ATF7IP: variants seen among roughly 807,000 people sequenced by gnomAD.
ATF7IP encodes activating transcription factor 7 interacting protein.
Under a neutral mutation model 106.4 loss-of-function variants are expected in ATF7IP, and 23 were observed. The observed-to-expected ratio is 0.22, with a 90% confidence interval of 0.16 to 0.31. ATF7IP has a LOEUF of 0.31. Ranked by LOEUF, ATF7IP falls within the 10% of genes least tolerant of loss-of-function variation. The pLI, the probability that ATF7IP is intolerant of heterozygous loss-of-function variation, is 1.00. For missense variants in ATF7IP, 1,334 were observed against 1,524.3 expected (o/e 0.88, Z 2.08); for synonymous variants, 542 against 539.0 (o/e 1.01, Z -0.08).
intron 1 of ATF7IP, among the ~76,000 whole-genome samples, chr12:14,372,938 G>A (rs910338712): frequency 2.6e-5 from 4 of 152,144 alleles, no homozygotes; most frequent in Non-Finnish European, 4.4e-5. Context: ...AGCTGTAAAA[G>A]GAACTTTCTT....
chr12:14,373,386 C>A (rs71459148), intron 1 of ATF7IP, among the ~76,000 whole-genome samples: 3,009 of 152,232 alleles, frequency 0.02, 32 homozygotes, highest in Middle Eastern at 0.031. Context: ...TGGCTTCCAT[C>A]ACTAGGTGAA....
intron 1 of ATF7IP, among the ~76,000 whole-genome samples, chr12:14,369,610 T>A (rs1565465978): frequency 6.6e-6 from 1 of 152,228 alleles, no homozygotes; most frequent in Non-Finnish European, 1.5e-5. Context: ...GTGCTAGAAT[T>A]ACAGGTGTGA....
chr12:14,494,309 ATATATATATATATATATATATATATG>A (rs1255791521), intron 13 of ATF7IP, among the ~76,000 whole-genome samples: 1,382 of 96,816 alleles, frequency 0.014, 60 homozygotes, highest in Non-Finnish European at 0.02. Flanking sequence ...ATATATATAT[ATATATATATATATATATATATATATG>A]TGTGTGTGTA....
chr12:14,474,508 C>A (rs1270382887), intron 10 of ATF7IP, among the ~76,000 whole-genome samples: 1 of 151,504 alleles, frequency 6.6e-6, no homozygotes, highest in Non-Finnish European at 1.5e-5. Context: ...TCAAGCGATT[C>A]TCCTGCCTCA....
chr12:14,400,805 A>T (rs1025588314), intron 1 of ATF7IP, among the ~76,000 whole-genome samples: 1 of 152,182 alleles, frequency 6.6e-6, no homozygotes, highest in Non-Finnish European at 1.5e-5. Flanking sequence ...TCATTTCTGT[A>T]TATTAATGCT....
chr12:14,457,088 T>C (rs1173108481), intron 7 of ATF7IP, 119 bp from the exon 8 acceptor site: 5 of 797,438 alleles, frequency 6.3e-6, no homozygotes, highest in Admixed American at 2.8e-5. Flanking sequence ...AGTTTAGGAT[T>C]GTGAAACCCA....
In ATF7IP at chr12:14,502,666, C is replaced by G. The variant is rs2136897410; in HGVS notation, c.*4593C>G. ...AAATCCTTTGTAAGAAACTTGCATCCTAATTTTTCTTTATTGCAATTGAAA... is the reference window on the plus strand; with the variant it reads ...AAATCCTTTGTAAGAAACTTGCATCGTAATTTTTCTTTATTGCAATTGAAA... On this transcript the variant is annotated 3_prime_UTR_variant, in exon 15 of 15. Transcript: ENST00000261168. 1 of 152,152 alleles carries G rather than the reference C, an allele frequency of 6.6e-6. No individual in the cohort carries two copies. The highest frequency in any genetic ancestry group is 2.4e-5 in the African/African-American group (1 of 41,532). The allele number at this position is 152,152 out of a possible 1,614,324, so 9.4% of individuals were successfully genotyped here.
chr12:14,496,700 A>G (rs968250446), intron 14 of ATF7IP, among the ~76,000 whole-genome samples: 4 of 152,350 alleles, frequency 2.6e-5, no homozygotes, highest in Middle Eastern at 3.4e-3. Context: ...TGCCACATCT[A>G]ACTGCTACAT....
intron 6 of ATF7IP, among the ~76,000 whole-genome samples, chr12:14,449,174 T>C (rs1201601524): frequency 6.6e-6 from 1 of 152,192 alleles, no homozygotes; most frequent in Non-Finnish European, 1.5e-5. Context: ...ATTTTTGCTT[T>C]TCTTACCTGT....
At chr12:14,492,198 A>G (rs1485599104) in intron 13 of ATF7IP, among the ~76,000 whole-genome samples, 2 of 152,176 alleles carry the variant, frequency 1.3e-5, no homozygotes, top group Non-Finnish European at 2.9e-5. Context: ...TGTAAGTCAG[A>G]CCTGAGACAA....
intron 2 of ATF7IP, among the ~76,000 whole-genome samples, chr12:14,431,173 T>C (rs1377889558): frequency 6.6e-6 from 1 of 152,210 alleles, no homozygotes; most frequent in African/African-American, 2.4e-5. Flanking sequence ...GTATTAAACA[T>C]GTAATTTGTC....
chr12:14,433,122 A>G (rs754636903), intron 2 of ATF7IP, among the ~76,000 whole-genome samples: 2 of 151,978 alleles, frequency 1.3e-5, no homozygotes, highest in Non-Finnish European at 2.9e-5. Flanking sequence ...TAATCCCAGC[A>G]CTTTGGGAAG....
At chr12:14,467,905 G>T (rs913697406) in intron 10 of ATF7IP, among the ~76,000 whole-genome samples, 1 of 152,120 alleles carries the variant, frequency 6.6e-6, no homozygotes, top group Non-Finnish European at 1.5e-5. Context: ...GGACCACACA[G>T]ATACAGACTG....
At chr12:14,429,215 G>A (rs1384058178) in intron 2 of ATF7IP, among the ~76,000 whole-genome samples, 1 of 152,148 alleles carries the variant, frequency 6.6e-6, no homozygotes, top group African/African-American at 2.4e-5. Context: ...TGATGATCAT[G>A]TTATTAAATC....
Position 14,461,150 on chromosome 12 carries a change from G to T in ATF7IP, c.2797+17G>T, listed in dbSNP as rs201166552. On this transcript the variant is annotated intron_variant, in intron 9 of 14. Transcript: ENST00000261168. Reference sequence around the variant, plus strand: ...CAAGAATTGGTAAGTCACCATGTAGGTTTAATACTAGAAATGCAAGCATCT... The same window carrying T: ...CAAGAATTGGTAAGTCACCATGTAGTTTTAATACTAGAAATGCAAGCATCT... The T allele has an allele frequency of 2.2e-4, 348 of 1,593,178 alleles. No individual in the cohort carries two copies. The highest frequency in any genetic ancestry group is 2.9e-4 in the Non-Finnish European group (334 of 1,167,866).
chr12:14,453,616 C>A (rs369927737), intron 6 of ATF7IP, among the ~76,000 whole-genome samples: 8 of 151,810 alleles, frequency 5.3e-5, no homozygotes, highest in African/African-American at 1.5e-4. Flanking sequence ...TTCACTTTCA[C>A]CTAATTGAGT....
intron 1 of ATF7IP, chr12:14,385,209 G>C (rs1414866624): frequency 3.2e-5 from 16 of 500,134 alleles, no homozygotes; most frequent in Non-Finnish European, 4.9e-5. Flanking sequence ...CAAAGTGGGA[G>C]GGGCTTTGTT....
Position 14,452,045 on chromosome 12 carries a change from G to T in ATF7IP, c.1996-4516G>T, listed in dbSNP as rs184241790. 5.7e-4 allele frequency among the ~76,000 whole-genome samples: 86 copies of T among 151,198 alleles called. 1 individual carries two copies. The highest frequency in any genetic ancestry group is 7.4e-4 in the Non-Finnish European group (50 of 67,598). ...CATATATTTGGAGCTCTGATGTAGG[G>T]GTGTGTGTGTGTGTGTTACAGCTGG... is the stretch of plus-strand genomic sequence containing the variant. On this transcript the variant is annotated intron_variant, in intron 6 of 14. Coordinates refer to ENST00000261168, the MANE Select transcript of ATF7IP (RefSeq NM_018179.5).
intron 1 of ATF7IP, among the ~76,000 whole-genome samples, chr12:14,411,443 G>T (rs1391958426): frequency 6.6e-6 from 1 of 151,918 alleles, no homozygotes. Context: ...TGTAGGTGAC[G>T]GGTTGACGGG....
Sources: gnomAD v4.1 joint callset for allele counts (sites outside exome capture counted in the v4.1 genomes callset) on GRCh38, gnomAD v4.1.1 for gene constraint, MANE v1.5 for transcripts, NCBI Gene and HGNC (gene_info 2026-07-23, HGNC 2026-07-21) for gene names.